Variants in SERPINE2 observed in about 807,000 individuals in gnomAD.
SERPINE2 encodes the protein glia-derived nexin.
A neutral mutation model predicts 36.3 loss-of-function variants in SERPINE2; 14 were observed. That is an observed-to-expected ratio of 0.39 (90% confidence interval 0.25 to 0.60). The LOEUF is 0.60. SERPINE2 is among the 20% of genes least tolerant of loss of function. SERPINE2 has a pLI of 0.57. For missense variants in SERPINE2, 418 were observed against 499.6 expected, an observed-to-expected ratio of 0.84 and a Z score of 1.56; for synonymous variants, 192 against 191.8, an observed-to-expected ratio of 1.00 and a Z score of -0.01.
At chr2:224,005,098 A>AT (rs1559209284) in intron 1 of SERPINE2, among the ~76,000 whole-genome samples, 5 of 115,752 alleles carry the variant, frequency 4.3e-5, no homozygotes, top group African/African-American at 2.0e-4. Flanking sequence ...TATATATATA[A>AT]AACATTGTAA....
chr2:223,983,456 T>C (rs1191207906), intron 5 of SERPINE2, among the ~76,000 whole-genome samples: 2 of 152,026 alleles, frequency 1.3e-5, no homozygotes, highest in East Asian at 3.9e-4. Context: ...GGTTTTTCCA[T>C]GTTGGCCAGG....
intron 3 of SERPINE2, among the ~76,000 whole-genome samples, chr2:223,995,616 TTTTG>T (rs1381019543): frequency 2.0e-5 from 3 of 152,276 alleles, no homozygotes; most frequent in Admixed American, 6.5e-5. Flanking sequence ...GGTTTTTTGT[TTTTG>T]TTTTTGTTTT....
At chr2:223,976,889 CCCATATATCA>C (rs1286003377) in intron 8 of SERPINE2, among the ~76,000 whole-genome samples, 1 of 152,096 alleles carries the variant, frequency 6.6e-6, no homozygotes, top group Non-Finnish European at 1.5e-5. Context: ...GTTAATAATC[CCCATATATCA>C]AGGGCAGGAC....
At chr2:224,023,478 C>G (rs12465653) in intron 1 of SERPINE2, among the ~76,000 whole-genome samples, 143,657 of 152,092 alleles carry the variant, frequency 0.94, 68,201 homozygotes, top group Non-Finnish European at 0.99. Context: ...TAGAGGGAAG[C>G]CAGGAAAGTG....
At chr2:223,980,560 GTTAC>G in intron 6 of SERPINE2, 163 bp from the exon 7 acceptor site, 2 of 600,054 alleles carry the variant, frequency 3.3e-6, no homozygotes, top group South Asian at 3.8e-5. Flanking sequence ...GCAGACAGCT[GTTAC>G]TTGTGAATTT....
At chr2:224,038,812 A>G in intron 1 of SERPINE2, 1 of 392,620 alleles carries the variant, frequency 2.5e-6, no homozygotes, top group Non-Finnish European at 4.5e-6. Context: ...ACTGGACGCC[A>G]CCCCGGGGCG....
intron 1 of SERPINE2, among the ~76,000 whole-genome samples, chr2:224,029,638 T>C (rs1255534788): frequency 6.6e-6 from 1 of 152,252 alleles, no homozygotes; most frequent in Non-Finnish European, 1.5e-5. Flanking sequence ...CTCTGGATGC[T>C]ACCCTTGCAG....
At chr2:223,989,346 T>G (rs188401059) in intron 4 of SERPINE2, among the ~76,000 whole-genome samples, 1 of 152,292 alleles carries the variant, frequency 6.6e-6, no homozygotes, top group Non-Finnish European at 1.5e-5. Flanking sequence ...TTTGGCAAAG[T>G]GACCCAGAAT....
At chr2:223,993,791 T>C (rs996277120) in intron 3 of SERPINE2, among the ~76,000 whole-genome samples, 6 of 152,098 alleles carry the variant, frequency 3.9e-5, no homozygotes, top group African/African-American at 1.4e-4. Flanking sequence ...GACAGTTCCA[T>C]CACCACTCAC....
In SERPINE2 at chr2:223,980,445, C is replaced by T. The variant is rs76741124; in HGVS notation, c.986-48G>A. On this transcript the variant is annotated intron_variant, in intron 6 of 8. Coordinates refer to ENST00000409304, the MANE Select transcript of SERPINE2 (RefSeq NM_001136528.2). ...TATCAGCATTTGTTTGATAGGCAGG[C>T]CATTGGTTGGTTGGGGAAGTAACCT... is the stretch of plus-strand genomic sequence containing the variant. The T allele has an allele frequency of 1.1e-3, 1,748 of 1,539,796 alleles. 13 individuals are homozygous for T. In the African/African-American group the frequency reaches 0.019, roughly 17 times the overall value.
In SERPINE2 at chr2:224,019,322, G is replaced by A. The variant is rs181995093; in HGVS notation, c.-22-17400C>T. Among the ~76,000 whole-genome samples the A allele has an allele frequency of 4.6e-3, 707 of 152,206 alleles. 3 individuals carry two copies. Among genetic ancestry groups the A allele is most frequent in the Middle Eastern group, 0.014 (4 of 294 alleles). The stretch of plus-strand genomic sequence containing the variant: ...GTAATAAAAGTTATTGGAATGTGAT[G>A]TCTCTCTCAAAACATCTTACTGTAC... On this transcript the variant is annotated intron_variant, in intron 1 of 8. Coordinates refer to ENST00000409304, the MANE Select transcript of SERPINE2 (RefSeq NM_001136528.2).
rs1690901761 is a variant in SERPINE2 at position 223,996,682 on chromosome 2, C to T, written c.487+1433G>A. Among the ~76,000 whole-genome samples, 2 of 152,218 alleles carry T rather than the reference C, an allele frequency of 1.3e-5. 1 individual carries two copies. The highest frequency in any genetic ancestry group is 4.1e-4 in the South Asian group (2 of 4,834). On this transcript the variant is annotated intron_variant, in intron 3 of 8. Coordinates refer to ENST00000409304, the MANE Select transcript of SERPINE2 (RefSeq NM_001136528.2). ...CCCAGATAATTCTGATGCAGGGACA[C>T]CAGTAACCACACTTTTAAGAAACAT...
chr2:224,022,827 A>C (rs1371892407), intron 1 of SERPINE2, among the ~76,000 whole-genome samples: 1 of 152,218 alleles, frequency 6.6e-6, no homozygotes, highest in Non-Finnish European at 1.5e-5. Context: ...CAAGGGCAGG[A>C]CCAGGTGGGA....
chr2:224,009,923 T>G (rs771478272), intron 1 of SERPINE2, among the ~76,000 whole-genome samples: 1 of 152,234 alleles, frequency 6.6e-6, no homozygotes, highest in East Asian at 1.9e-4. Flanking sequence ...TAATTGTTAA[T>G]GTACAAGTAA....
intron 4 of SERPINE2, among the ~76,000 whole-genome samples, chr2:223,991,009 T>C (rs1690643493): frequency 6.6e-6 from 1 of 152,164 alleles, no homozygotes; most frequent in Non-Finnish European, 1.5e-5. Flanking sequence ...GAAATAATTT[T>C]TCTGAAATCC....
In SERPINE2 at chr2:223,992,745, T is replaced by C. The variant is rs1050543436; in HGVS notation, c.488-745A>G. On this transcript the variant is annotated intron_variant, in intron 3 of 8. Coordinates refer to ENST00000409304, the MANE Select transcript of SERPINE2 (RefSeq NM_001136528.2). ...AATGTTAATTACTCTAATTTGATCA[T>C]TACACATTGTATACATGTATCAAAG... 3.3e-5 allele frequency among the ~76,000 whole-genome samples: 5 copies of C among 152,334 alleles called. No homozygotes were observed. In the East Asian group the frequency reaches 5.8e-4, roughly 18 times the overall value.
At chr2:224,015,024 T>G (rs1691752583) in intron 1 of SERPINE2, among the ~76,000 whole-genome samples, 1 of 147,058 alleles carries the variant, frequency 6.8e-6, no homozygotes, top group African/African-American at 2.5e-5. Context: ...CCAGGGAGGG[T>G]GGTGCCATGG....
chr2:224,033,662 CAAA>C (rs11394673), intron 1 of SERPINE2, among the ~76,000 whole-genome samples: 5 of 126,576 alleles, frequency 4.0e-5, no homozygotes, highest in Non-Finnish European at 6.6e-5. Context: ...AGTTCCATGG[CAAA>C]AAAAAAAAAA....
intron 3 of SERPINE2, among the ~76,000 whole-genome samples, chr2:223,994,016 C>G (rs1040221962): frequency 7.9e-5 from 12 of 152,136 alleles, no homozygotes; most frequent in African/African-American, 2.9e-4. Context: ...GGAACATTAC[C>G]CAGTTCAATT....
Sources: gnomAD v4.1 joint callset for allele counts (sites outside exome capture counted in the v4.1 genomes callset) on GRCh38, gnomAD v4.1.1 for gene constraint, MANE v1.5 for transcripts, NCBI Gene and HGNC (gene_info 2026-07-23, HGNC 2026-07-21) for gene names.